Variants in SBF2 observed in about 807,000 individuals in gnomAD.
The protein encoded by SBF2 is myotubularin-related protein 13.
A neutral mutation model predicts 225.2 loss-of-function variants in SBF2; 112 were observed. The ratio of observed to expected loss-of-function variants is 0.50; its 90% CI spans 0.43 to 0.58. The LOEUF is 0.58. Ranked by LOEUF, SBF2 falls within the 20% of genes least tolerant of loss-of-function variation. SBF2 has a pLI of 0.00. For missense variants in SBF2, 1,996 were observed against 2,206.2 expected (o/e 0.90, Z 1.91); for synonymous variants, 763 against 773.3 (o/e 0.99, Z 0.22).
intron 26 of SBF2, among the ~76,000 whole-genome samples, chr11:9,832,843 T>C (rs531590496): frequency 8.5e-5 from 13 of 152,374 alleles, no homozygotes; most frequent in South Asian, 2.1e-4. Flanking sequence ...CACTGATCTG[T>C]AGTCTTTTTT....
intron 6 of SBF2, among the ~76,000 whole-genome samples, chr11:10,011,290 G>C (rs568552595): frequency 6.6e-6 from 1 of 151,980 alleles, no homozygotes; most frequent in Non-Finnish European, 1.5e-5. Context: ...ATAGTGGTGC[G>C]ATCTTGGCTC....
chr11:10,221,002 A>G (rs1958319933), intron 1 of SBF2, among the ~76,000 whole-genome samples: 1 of 152,124 alleles, frequency 6.6e-6, no homozygotes. Context: ...AGACTGGGCT[A>G]AGCTTCTATT....
At chr11:10,251,249 T>C (rs1295462507) in intron 1 of SBF2, among the ~76,000 whole-genome samples, 2 of 152,166 alleles carry the variant, frequency 1.3e-5, no homozygotes, top group Non-Finnish European at 2.9e-5. Flanking sequence ...AGAAAGAATA[T>C]TGTCAGGAAG....
chr11:10,200,994 G>A (rs566351893), intron 1 of SBF2, among the ~76,000 whole-genome samples: 1 of 152,240 alleles, frequency 6.6e-6, no homozygotes, highest in South Asian at 2.1e-4. Context: ...TACTGACACT[G>A]GCACCAGTGC....
intron 2 of SBF2, among the ~76,000 whole-genome samples, chr11:10,147,368 C>G (rs1241145522): frequency 2.0e-5 from 3 of 152,148 alleles, no homozygotes; most frequent in Non-Finnish European, 2.9e-5. Context: ...TACAAATACA[C>G]CATGGAATAC....
chr11:9,880,084 TAAAAAAAAA>T (rs58140393), intron 17 of SBF2, among the ~76,000 whole-genome samples: 1 of 51,994 alleles, frequency 1.9e-5, no homozygotes, highest in Non-Finnish European at 3.5e-5. Flanking sequence ...CTCTGTCTCA[TAAAAAAAAA>T]AAAAAAAAAA....
chr11:10,164,461 C>G (rs1367439656), intron 2 of SBF2, among the ~76,000 whole-genome samples: 3 of 152,072 alleles, frequency 2.0e-5, no homozygotes, highest in Non-Finnish European at 4.4e-5. Flanking sequence ...AAACACACAG[C>G]CTTTAAGATT....
chr11:10,075,838 C>T (rs919431585), intron 2 of SBF2, among the ~76,000 whole-genome samples: 2 of 151,938 alleles, frequency 1.3e-5, no homozygotes, highest in Admixed American at 1.3e-4. Flanking sequence ...CAACAGAGGA[C>T]ACCTCTAGCC....
intron 2 of SBF2, among the ~76,000 whole-genome samples, chr11:10,099,878 G>C (rs1952200092): frequency 6.6e-6 from 1 of 151,692 alleles, no homozygotes; most frequent in Non-Finnish European, 1.5e-5. Flanking sequence ...AGAAATCAAA[G>C]TATGCCACTA....
intron 2 of SBF2, among the ~76,000 whole-genome samples, chr11:10,130,082 G>T (rs114780145): frequency 6.6e-6 from 1 of 151,986 alleles, no homozygotes; most frequent in African/African-American, 2.4e-5. Context: ...AATACACCTC[G>T]CCAGGCGCAG....
chr11:9,967,955 C>G (rs988480559), intron 14 of SBF2, among the ~76,000 whole-genome samples: 1,463 of 103,900 alleles, frequency 0.014, 29 homozygotes, highest in African/African-American at 0.043. Context: ...CTGTCTCTCT[C>G]TCTCTCTCTC....
At position 9,850,102 on chromosome 11, in the gene SBF2, AG is replaced by A. The variant is rs1413594552; in HGVS notation, c.2726del (p.Pro909LeufsTer27). 6.2e-7 allele frequency: 1 copy of A among 1,614,150 alleles called. No individual in the cohort carries two copies. The highest frequency in any genetic ancestry group is 1.1e-5 in the South Asian group (1 of 91,080). On this transcript the variant is annotated frameshift_variant, in exon 22 of 40. Transcript: ENST00000256190. LOFTEE classifies it high-confidence loss of function. The part of the protein sequence containing the change: ...EEATGGLLGG[P>X]QLLPAEGALF... ...AGGCTCCTTCTGCTGGCAGGAGCTG[AG>A]GGCCTCCAAGAAGACCTCCAGTAGC...
chr11:10,276,824 C>T (rs1352899893), intron 1 of SBF2, among the ~76,000 whole-genome samples: 1 of 152,000 alleles, frequency 6.6e-6, no homozygotes, highest in Non-Finnish European at 1.5e-5. Context: ...GACACTAGAT[C>T]CCAAGAAAGT....
chr11:9,894,208 T>C (rs964289630), intron 17 of SBF2, among the ~76,000 whole-genome samples: 1 of 151,690 alleles, frequency 6.6e-6, no homozygotes, highest in East Asian at 2.0e-4. Context: ...ATGGTGAAAC[T>C]CTGTCTCTAC....
chr11:10,225,587 C>G (rs1958507854), intron 1 of SBF2, among the ~76,000 whole-genome samples: 1 of 151,998 alleles, frequency 6.6e-6, no homozygotes, highest in South Asian at 2.1e-4. Context: ...ATTATCTTTA[C>G]AGAAATTCTA....
In SBF2 at chr11:9,815,281, T is replaced by TAAA. The variant is rs35464212; in HGVS notation, c.3978+1556_3978+1558dup. ...GGTGAAACCCCATCTCTACTAAAAC[T>TAAA]AAAAAAAAAAAAAAAAAAAAAAAAA... is the stretch of plus-strand genomic sequence containing the variant. On this transcript the variant is annotated intron_variant, in intron 29 of 39. Transcript: ENST00000256190. Among the ~76,000 whole-genome samples the TAAA allele has an allele frequency of 1.6e-3, 67 of 42,806 alleles. 3 individuals carry two copies. The highest frequency in any genetic ancestry group is 6.7e-3 in the African/African-American group (63 of 9,438). 28.1% of individuals were successfully genotyped at this position (42,806 alleles called of 152,430 possible).
intron 1 of SBF2, among the ~76,000 whole-genome samples, chr11:10,218,622 T>A (rs1958223991): frequency 6.6e-6 from 1 of 152,078 alleles, no homozygotes; most frequent in African/African-American, 2.4e-5. Flanking sequence ...AGCAAGTTAG[T>A]TACTTCCCAG....
chr11:9,899,528 G>C (rs1375153245), intron 16 of SBF2, among the ~76,000 whole-genome samples: 1 of 147,544 alleles, frequency 6.8e-6, no homozygotes, highest in Non-Finnish European at 1.5e-5. Flanking sequence ...CACTTGAAGA[G>C]TTATTACATC....
chr11:10,002,602 T>A lies in SBF2; in HGVS notation c.707A>T (p.Asp236Val). Reference sequence around the variant, plus strand: ...TAAAGATTCCAGGGCTCTACAAGCATCACTAAGTCTCTGGAAACTTGCAGA... The same window carrying A: ...TAAAGATTCCAGGGCTCTACAAGCAACACTAAGTCTCTGGAAACTTGCAGA... ...FHSASFQRLS[D>V]ACRALESLMF... Residue 236 changes from aspartate to valine, a missense_variant, in exon 7 of 40, where the codon GAT becomes GTT. By Grantham distance (152) the Asp-to-Val change is radical. Coordinates refer to ENST00000256190, the MANE Select transcript of SBF2 (RefSeq NM_030962.4). 6.2e-7 allele frequency: 1 copy of A among 1,612,944 alleles called. No individual in the cohort carries two copies. The highest frequency in any genetic ancestry group is 1.3e-5 in the African/African-American group (1 of 75,030).
Sources: gnomAD v4.1 joint callset for allele counts (sites outside exome capture counted in the v4.1 genomes callset) on GRCh38, gnomAD v4.1.1 for gene constraint, MANE v1.5 for transcripts, NCBI Gene and HGNC (gene_info 2026-07-23, HGNC 2026-07-21) for gene names.